Variants in SGCD observed in about 807,000 individuals in gnomAD.
SGCD encodes delta-sarcoglycan.
In SGCD, 18 loss-of-function variants were observed where a neutral mutation model predicts 36.6. That is an observed-to-expected ratio of 0.49 (90% CI 0.34 to 0.73). The LOEUF (loss-of-function observed/expected upper bound fraction) is 0.73. Among genes scored for constraint, SGCD ranks in the 30% least tolerant of loss-of-function variants. The pLI is 0.01. For missense variants in SGCD, 387 were observed against 346.7 expected (o/e 1.12, Z -0.92); for synonymous variants, 133 against 130.6 (o/e 1.02, Z -0.12).
chr5:156,457,777 G>A (rs1235057491), intron 3 of SGCD, among the ~76,000 whole-genome samples: 1 of 152,176 alleles, frequency 6.6e-6, no homozygotes, highest in Non-Finnish European at 1.5e-5. Flanking sequence ...GGAGACATGT[G>A]TTCTAGTCCC....
chr5:155,831,017 C>T, the SGCD span, among the ~76,000 whole-genome samples: 2 of 152,184 alleles, frequency 1.3e-5, no homozygotes, highest in Admixed American at 1.3e-4. Flanking sequence ...CCCATACATT[C>T]ATTGAGTCAG....
chr5:156,146,330 T>C (rs1561538961), intron 3 of SGCD, among the ~76,000 whole-genome samples: 1 of 152,202 alleles, frequency 6.6e-6, no homozygotes. Context: ...ATAATTTATA[T>C]TGTCATAATA....
intron 1 of SGCD, among the ~76,000 whole-genome samples, chr5:155,998,813 C>T (rs986258746): frequency 6.6e-6 from 1 of 152,182 alleles, no homozygotes; most frequent in African/African-American, 2.4e-5. Context: ...GCTGGGTTCC[C>T]TAAAGACAGG....
intron 3 of SGCD, among the ~76,000 whole-genome samples, chr5:156,230,561 C>G (rs1312414277): frequency 6.6e-6 from 1 of 152,156 alleles, no homozygotes; most frequent in Non-Finnish European, 1.5e-5. Context: ...ATACCAGAAC[C>G]TGTTAGTAAT....
the SGCD span, among the ~76,000 whole-genome samples, chr5:155,793,585 A>G: frequency 6.6e-6 from 1 of 151,234 alleles, no homozygotes; most frequent in Non-Finnish European, 1.5e-5. Context: ...TCTGTTGACC[A>G]GGCTGGAGTG....
intron 2 of SGCD, among the ~76,000 whole-genome samples, chr5:156,330,490 G>A (rs180692729): frequency 6.6e-6 from 1 of 152,204 alleles, no homozygotes; most frequent in East Asian, 1.9e-4. Flanking sequence ...TATGATTTTT[G>A]TAATCCTGAG....
chr5:156,465,634 C>T (rs955063565), intron 3 of SGCD, among the ~76,000 whole-genome samples: 2 of 152,172 alleles, frequency 1.3e-5, no homozygotes, highest in Admixed American at 1.3e-4. Context: ...GGCTCTGTAT[C>T]TCCAAGACTG....
intron 6 of SGCD, among the ~76,000 whole-genome samples, chr5:156,601,534 ATAGCTTTG>A (rs1761191393): frequency 6.6e-6 from 1 of 152,176 alleles, no homozygotes; most frequent in South Asian, 2.1e-4. Flanking sequence ...TTTGGTTATT[ATAGCTTTG>A]TAGTATGTTT....
At chr5:156,731,319 A>G (rs1193305513) in intron 7 of SGCD, among the ~76,000 whole-genome samples, 3 of 152,140 alleles carry the variant, frequency 2.0e-5, no homozygotes, top group East Asian at 1.9e-4. Flanking sequence ...GCCCATGCCT[A>G]TGTCCTGAAT....
At chr5:155,784,121 A>G in the SGCD span, among the ~76,000 whole-genome samples, 1 of 152,316 alleles carries the variant, frequency 6.6e-6, no homozygotes, top group Non-Finnish European at 1.5e-5. Flanking sequence ...TATGCCACGT[A>G]GGGACTGGGA....
intron 3 of SGCD, among the ~76,000 whole-genome samples, chr5:156,170,863 T>A (rs1347157060): frequency 6.6e-6 from 1 of 152,206 alleles, no homozygotes; most frequent in African/African-American, 2.4e-5. Context: ...GCTGCTTTTC[T>A]CTAGTTCTCC....
chr5:156,369,213 G>C (rs1272578915), intron 3 of SGCD, among the ~76,000 whole-genome samples: 1 of 152,198 alleles, frequency 6.6e-6, no homozygotes, highest in Non-Finnish European at 1.5e-5. Context: ...GCTTAGAACT[G>C]AGTAGTGAAC....
At chr5:156,560,120 A>C (rs1347469000) in intron 4 of SGCD, among the ~76,000 whole-genome samples, 1 of 152,198 alleles carries the variant, frequency 6.6e-6, no homozygotes, top group Non-Finnish European at 1.5e-5. Flanking sequence ...TATTTCTGTC[A>C]GTTTTGTTTC....
intron 3 of SGCD, among the ~76,000 whole-genome samples, chr5:156,307,262 A>T (rs1209104819): frequency 6.6e-6 from 1 of 152,104 alleles, no homozygotes; most frequent in Non-Finnish European, 1.5e-5. Flanking sequence ...TGCCTAGGCT[A>T]GTCTTGAACT....
At chr5:156,204,281 A>T (rs10515735) in intron 3 of SGCD, among the ~76,000 whole-genome samples, 1 of 152,026 alleles carries the variant, frequency 6.6e-6, no homozygotes, top group Non-Finnish European at 1.5e-5. Context: ...TAGTAAGAAT[A>T]ATACTCCAAA....
chr5:155,875,459 T>C (rs1755744956), intron 1 of SGCD, among the ~76,000 whole-genome samples: 1 of 152,166 alleles, frequency 6.6e-6, no homozygotes, highest in Non-Finnish European at 1.5e-5. Flanking sequence ...ATGAATACTT[T>C]GCAGAGCATT....
chr5:156,462,817 C>T (rs575231986), intron 3 of SGCD, among the ~76,000 whole-genome samples: 8 of 151,914 alleles, frequency 5.3e-5, no homozygotes, highest in East Asian at 1.9e-4. Context: ...CTTTCAATGG[C>T]TAAAACTGCA....
chr5:156,425,303 C>T (rs1031126248), intron 3 of SGCD, among the ~76,000 whole-genome samples: 1 of 152,028 alleles, frequency 6.6e-6, no homozygotes, highest in African/African-American at 2.4e-5. Context: ...CCTAAGCTTC[C>T]TGGAAACCAG....
At chr5:155,919,248 G>A (rs1329863539) in intron 1 of SGCD, among the ~76,000 whole-genome samples, 4 of 152,292 alleles carry the variant, frequency 2.6e-5, no homozygotes, top group African/African-American at 9.6e-5. Flanking sequence ...AAAAGATTAA[G>A]TGCCTCTCCC....
Sources: gnomAD v4.1 joint callset for allele counts (sites outside exome capture counted in the v4.1 genomes callset) on GRCh38, gnomAD v4.1.1 for gene constraint, MANE v1.5 for transcripts, NCBI Gene and HGNC (gene_info 2026-07-23, HGNC 2026-07-21) for gene names.